The following BIRC6 variants were observed in gnomAD, a reference collection of about 807,000 sequenced individuals.
BIRC6 encodes dual E2 ubiquitin-conjugating enzyme/E3 ubiquitin-protein ligase BIRC6.
BIRC6 carries 98 observed loss-of-function variants against 503.3 expected under a neutral mutation model. The observed-to-expected ratio is 0.19, with a 90% CI of 0.17 to 0.23. The LOEUF is 0.23. Ranked by LOEUF, BIRC6 falls within the 10% of genes least tolerant of loss-of-function variation. BIRC6 has a pLI of 1.00. For synonymous variants in BIRC6, 2,240 were observed against 2,078.7 expected (o/e 1.08, Z -2.11); for missense variants, 5,360 against 5,806.0 (o/e 0.92, Z 2.50).
chr2:32,487,003 G>A (rs1283863010), intron 40 of BIRC6, among the ~76,000 whole-genome samples: 3 of 151,190 alleles, frequency 2.0e-5, no homozygotes, highest in Non-Finnish European at 4.4e-5. Flanking sequence ...AATTCTGAAA[G>A]GATATTTGAA....
intron 55 of BIRC6, among the ~76,000 whole-genome samples, chr2:32,517,911 TA>T (rs1323243357): frequency 3.3e-5 from 5 of 152,306 alleles, no homozygotes; most frequent in African/African-American, 1.2e-4. Flanking sequence ...TCATAATTTT[TA>T]TTTTAAGATA....
intron 11 of BIRC6, among the ~76,000 whole-genome samples, chr2:32,429,545 G>C (rs1445215291): frequency 6.7e-6 from 1 of 149,996 alleles, no homozygotes; most frequent in Non-Finnish European, 1.5e-5. Context: ...AAAATTAGTA[G>C]ACTGGCTCAT....
chr2:32,386,444 CT>C (rs1459083369), intron 3 of BIRC6, among the ~76,000 whole-genome samples: 135 of 145,930 alleles, frequency 9.3e-4, no homozygotes, highest in Non-Finnish European at 1.1e-3. Context: ...GTCTCTCTCT[CT>C]TTTTTTTTTT....
At chr2:32,393,121 T>A (rs1280365440) in intron 5 of BIRC6, among the ~76,000 whole-genome samples, 1 of 151,820 alleles carries the variant, frequency 6.6e-6, no homozygotes, top group Non-Finnish European at 1.5e-5. Context: ...TTAGTTGGGA[T>A]ACAAATTACC....
intron 65 of BIRC6, among the ~76,000 whole-genome samples, chr2:32,552,460 T>G (rs1378083405): frequency 6.6e-6 from 1 of 152,202 alleles, no homozygotes; most frequent in Non-Finnish European, 1.5e-5. Context: ...AAAATTGATC[T>G]TCAGTTTTAG....
chr2:32,487,660 C>G lies in BIRC6; in HGVS notation c.7827C>G (p.Pro2609=). The change falls in exon 41 of 74, where the codon CCC becomes CCG. Residue 2609 remains proline, a synonymous_variant. Transcript: ENST00000421745. The part of the protein sequence containing the change: ...TNTSPTLSQS[P]TGTDDSLLGG... ...TTTAATTTTCAGTATCACAGTCTCCCACTGGAACAGATGATTCACTTCTAG... is the reference window on the plus strand; with the variant it reads ...TTTAATTTTCAGTATCACAGTCTCCGACTGGAACAGATGATTCACTTCTAG... 4.3e-6 allele frequency: 7 copies of G among 1,613,386 alleles called. No individual in the cohort carries two copies. In the East Asian group the frequency reaches 1.3e-4, roughly 31 times the overall value.
At chr2:32,458,536 T>C (rs2047486858) in intron 23 of BIRC6, among the ~76,000 whole-genome samples, 1 of 152,022 alleles carries the variant, frequency 6.6e-6, no homozygotes, top group Non-Finnish European at 1.5e-5. Context: ...ACTTGTTCTA[T>C]CTTCTGCTAT....
At position 32,453,847 on chromosome 2, in the gene BIRC6, G is replaced by A; in HGVS notation, c.4658G>A (p.Ser1553Asn). 2 of 1,613,772 alleles carry A rather than the reference G, an allele frequency of 1.2e-6. No individual in the cohort carries two copies. The highest frequency in any genetic ancestry group is 1.7e-6 in the Non-Finnish European group (2 of 1,179,730). Residue 1553 changes from serine to asparagine, a missense_variant, in exon 23 of 74, where the codon AGT (serine) becomes AAT (asparagine). Transcript: ENST00000421745. ...KVSSCTAAEGSFTSLTGLLEV... is the reference protein window; with the variant it reads ...KVSSCTAAEGNFTSLTGLLEV... ...AGTAGTTGCACAGCTGCTGAGGGTAGTTTCACATCTCTCACTGGACTTTTG... is the reference window on the plus strand; with the variant it reads ...AGTAGTTGCACAGCTGCTGAGGGTAATTTCACATCTCTCACTGGACTTTTG...
chr2:32,513,497 T>C (rs562099434), intron 54 of BIRC6, among the ~76,000 whole-genome samples: 13 of 152,168 alleles, frequency 8.5e-5, no homozygotes, highest in African/African-American at 1.4e-4. Context: ...ACTTTGGGGG[T>C]GGGCATGGTG....
chr2:32,599,444 A>G (rs62136348), intron 69 of BIRC6, among the ~76,000 whole-genome samples: 23,771 of 152,006 alleles, frequency 0.16, 2,002 homozygotes, highest in Admixed American at 0.22. Context: ...GTTTGAGACC[A>G]GCCTGGACAA....
In BIRC6 at chr2:32,531,468, C is replaced by T. The variant is rs775116014; in HGVS notation, c.12208C>T (p.Pro4070Ser). Reference protein sequence around the residue: ...SLLETCPIQSPLQVFAGMGGL... With the variant: ...SLLETCPIQSSLQVFAGMGGL... ...GCTTGAAACCTGTCCAATTCAGTCA[C>T]CATTACAAGTTTTTGCAGGAATGGG... The change falls in exon 61 of 74, where the codon CCA becomes TCA. Residue 4070 changes from proline (P) to serine (S), a missense_variant. By Grantham distance (74) the Pro-to-Ser change is moderately conservative. Transcript: ENST00000421745. The T allele has an allele frequency of 3.7e-6, 6 of 1,613,812 alleles. No homozygotes were observed. Among genetic ancestry groups the T allele is most frequent in the Non-Finnish European group, 2.5e-6 (3 of 1,179,840 alleles).
chr2:32,447,421 G>T (rs1302342275), intron 21 of BIRC6, among the ~76,000 whole-genome samples: 1 of 135,020 alleles, frequency 7.4e-6, no homozygotes, highest in Non-Finnish European at 1.6e-5. Context: ...GCGGCTGGCC[G>T]GGCGGGGGGC....
intron 10 of BIRC6, among the ~76,000 whole-genome samples, chr2:32,419,681 G>C (rs186890511): frequency 6.6e-6 from 1 of 152,234 alleles, no homozygotes; most frequent in Admixed American, 6.5e-5. Flanking sequence ...AACATATCAT[G>C]AAATATAACA....
chr2:32,525,924 C>G (rs2056227789), intron 59 of BIRC6, among the ~76,000 whole-genome samples: 1 of 152,104 alleles, frequency 6.6e-6, no homozygotes, highest in African/African-American at 2.4e-5. Context: ...GAGTTCATGA[C>G]AAGTTATTTA....
In BIRC6 at chr2:32,518,934, G is replaced by C; in HGVS notation, c.11611G>C (p.Asp3871His). Residue 3871 changes from aspartate (D) to histidine (H), a missense_variant, in exon 57 of 74, where the codon GAC (aspartate) becomes CAC (histidine). Around this residue, in one of 16 missense-constraint regions of BIRC6, gnomAD observed 878 missense variants for 928.9 expected, o/e 0.95. Transcript: ENST00000421745. ...CTCAACAACATTATCAGATGTTCTT[G>C]ACAGAGTGTCAGGCAAGTCAGATTT... ...PVSTTLSDVL[D>H]RVSDTPSITA... 2 of 1,613,566 alleles carry C rather than the reference G, an allele frequency of 1.2e-6. No individual in the cohort carries two copies. Among genetic ancestry groups the C allele is most frequent in the Non-Finnish European group, 8.5e-7 (1 of 1,179,694 alleles).
At chr2:32,557,121 A>G (rs1039295520) in intron 65 of BIRC6, among the ~76,000 whole-genome samples, 4 of 152,192 alleles carry the variant, frequency 2.6e-5, no homozygotes, top group African/African-American at 4.8e-5. Context: ...TATCTTTACA[A>G]CTGCTTAACT....
rs374472287 is a variant in BIRC6 at position 32,617,748 on chromosome 2, A to G, written c.14418A>G (p.Glu4806=). The G allele has an allele frequency of 1.3e-4, 214 of 1,614,004 alleles. No homozygotes were observed. In the South Asian group the frequency reaches 2.2e-3, roughly 17 times the overall value. ...ALKRHTAQLR[E]ELLKLPCPEG... is the part of the protein sequence containing the mutation. ...AGCGTCACACTGCTCAGCTCCGCGA[A>G]GAGTTGCTGAAACTTCCCTGCCCTG... Residue 4806 remains glutamate, a synonymous_variant, in exon 74 of 74, where the codon GAA becomes GAG. Transcript: ENST00000421745.
intron 22 of BIRC6, among the ~76,000 whole-genome samples, chr2:32,452,632 T>C (rs1200992935): frequency 1.3e-5 from 2 of 152,152 alleles, no homozygotes; most frequent in Non-Finnish European, 2.9e-5. Context: ...TATGAAACTC[T>C]CTTATTCTTC....
At chr2:32,514,536 A>G (rs1247558221) in intron 54 of BIRC6, among the ~76,000 whole-genome samples, 12 of 152,224 alleles carry the variant, frequency 7.9e-5, no homozygotes, top group Non-Finnish European at 1.6e-4. Context: ...CTGGTAGGTC[A>G]TCATATTTGG....
Sources: allele counts gnomAD v4.1 joint callset (sites outside exome capture counted in the v4.1 genomes callset), GRCh38; gene constraint gnomAD v4.1.1; regional missense constraint gnomAD v4.1.1; transcripts MANE v1.5; gene names NCBI Gene and HGNC (gene_info 2026-07-23, HGNC 2026-07-21).